TTN: variants seen among roughly 807,000 people sequenced by gnomAD.
TTN encodes the protein connectin.
TTN carries 1,525 observed loss-of-function variants against 3,223.0 expected under a neutral mutation model. That is an observed-to-expected ratio of 0.47 (90% CI 0.45 to 0.49). The LOEUF (loss-of-function observed/expected upper bound fraction) is 0.49. Among genes scored for constraint, TTN ranks in the 20% least tolerant of loss-of-function variants. The pLI is 0.00. For synonymous variants in TTN, 14,094 were observed against 15,161.0 expected, an observed-to-expected ratio of 0.93 and a Z score of 5.17; for missense variants, 40,786 against 43,424.0, an observed-to-expected ratio of 0.94 and a Z score of 5.40.
chr2:178,771,157 A>C, intron 34 of TTN, 54 bp downstream of exon 34: 1 of 1,611,352 alleles, frequency 6.2e-7, no homozygotes, highest in Non-Finnish European at 8.5e-7. Context: ...TTTTAAAACG[A>C]TAACGATCAA....
At position 178,561,972 on chromosome 2, in the gene TTN, C is replaced by A; in HGVS notation, c.84160G>T (p.Asp28054Tyr). Residue 28054 changes from aspartate to tyrosine, a missense_variant, in exon 326 of 363, where the codon GAC (aspartate) becomes TAC (tyrosine). Transcript: ENST00000589042. ...ATAGGACCTGGAGGTCCTGGTCTGT[C>A]AAGGACAATTATAGTAATAGGAACT... is the stretch of plus-strand genomic sequence containing the variant. ...ITVPITIIVL[D>Y]RPGPPGPIRI... 6.2e-7 allele frequency: 1 copy of A among 1,613,282 alleles called. No homozygotes were observed. Among genetic ancestry groups the A allele is most frequent in the Non-Finnish European group, 8.5e-7 (1 of 1,179,530 alleles).
intron 75 of TTN, 30 bp from the exon 76 acceptor site, chr2:178,722,967 T>A (rs1366947333): frequency 1.3e-6 from 2 of 1,596,300 alleles, no homozygotes; most frequent in Non-Finnish European, 1.7e-6. Context: ...AGTTAGCAAC[T>A]GGAATTAATG....
At chr2:178,719,526 A>G in intron 82 of TTN, 28 bp downstream of exon 82, 1 of 1,590,304 alleles carries the variant, frequency 6.3e-7, no homozygotes, top group African/African-American at 1.3e-5. Context: ...GAAATATTGT[A>G]TATTCATAAA....
Position 178,569,937 on chromosome 2 carries a change from C to T in TTN, c.76195G>A (p.Ala25399Thr). The T allele has an allele frequency of 6.2e-7, 1 of 1,612,818 alleles. No individual in the cohort carries two copies. The highest frequency in any genetic ancestry group is 1.1e-5 in the South Asian group (1 of 90,968). Residue 25399 changes from alanine to threonine, a missense_variant, in exon 326 of 363, where the codon GCT (alanine) becomes ACT (threonine). Physicochemically the swap from Ala to Thr is moderately conservative, Grantham distance 58 (BLOSUM62 0). Coordinates refer to ENST00000589042, the MANE Select transcript of TTN (RefSeq NM_001267550.2). ...CCTGGTTTATAAATAGGATCACAAG[C>T]CTTTTGGTAAGCAGAAGGAGGGCTT... ...EPSPPSAYQKACDPIYKPGPP... is the reference protein window; with the variant it reads ...EPSPPSAYQKTCDPIYKPGPP...
Position 178,629,370 on chromosome 2 carries a change from G to T in TTN, c.44355C>A (p.Cys14785Ter). The T allele has an allele frequency of 6.2e-7, 1 of 1,612,940 alleles. No homozygotes were observed. The highest frequency in any genetic ancestry group is 1.1e-5 in the South Asian group (1 of 91,056). ...VTAGETATFD[C>*]ELSYEDIPVE... ...CTGGGATATCTTCGTAGGAGAGCTC[G>T]CAGTCGAAGGTGGCTGTTTCCCCTG... Residue 14785 changes from cysteine to a stop codon, truncating the protein, a stop_gained, in exon 240 of 363, where the codon TGC (cysteine) becomes TGA (stop). Transcript: ENST00000589042. LOFTEE classifies it high-confidence loss of function.
rs727504199 is a variant in TTN at position 178,641,286 on chromosome 2, GTTC to G, written c.40585_40587del (p.Glu13529del). 223 of 1,506,096 alleles carry G rather than the reference GTTC, an allele frequency of 1.5e-4. 6 individuals carry two copies. In the South Asian group the frequency reaches 2.4e-3, roughly 16 times the overall value. 93.3% of individuals were successfully genotyped at this position (1,506,096 alleles called of 1,614,324 possible). A position where few individuals can be genotyped will look rare whatever the true frequency, so the allele number is the denominator to read the frequency against. Reference sequence around the variant, plus strand: ...TCTAGTTTTTTAGGTTCTACTTTAGGTTCTTCTTCTTCAGGTCTTTTTCTTAGA... The same window carrying G: ...TCTAGTTTTTTAGGTTCTACTTTAGGTTCTTCTTCAGGTCTTTTTCTTAGA... On this transcript the variant is annotated inframe_deletion, in exon 220 of 363. Transcript: ENST00000589042.
At chr2:178,747,468 T>C in intron 47 of TTN, 2 of 1,613,426 alleles carry the variant, frequency 1.2e-6, no homozygotes, top group Non-Finnish European at 1.7e-6. Context: ...ATTTCTTCAC[T>C]GGTTGTACTT....
rs141142920 is a variant in TTN at position 178,775,505 on chromosome 2, C to A, written c.6359G>T (p.Arg2120Leu). ...CCAGTACCAGTAGATCCGGTCAGAC[C>A]GTTCAATTTTGACACCATTTTTGTA... Reference protein sequence around the residue: ...EWYKNGVKIERSDRIYWYWPE... With the variant: ...EWYKNGVKIELSDRIYWYWPE... The change falls in exon 28 of 363, where the codon CGG becomes CTG. Residue 2120 changes from arginine to leucine, a missense_variant. By Grantham distance (102) the Arg-to-Leu change is moderately radical. Coordinates refer to ENST00000589042, the MANE Select transcript of TTN (RefSeq NM_001267550.2). The A allele has an allele frequency of 1.2e-4, 195 of 1,613,952 alleles. 1 individual carries two copies. The South Asian group carries it at 2.0e-3, about 17-fold the overall frequency.
At position 178,733,637 on chromosome 2, in the gene TTN, G is replaced by C. The variant is rs770408836; in HGVS notation, c.15752C>G (p.Ser5251Cys). The C allele has an allele frequency of 6.2e-7, 1 of 1,612,446 alleles. No homozygotes were observed. Among genetic ancestry groups the C allele is most frequent in the Non-Finnish European group, 8.5e-7 (1 of 1,178,694 alleles). ...LAENEAGSQT[S>C]VGELIVKEPA... ...ACCTTTAACTATTAATTCCCCAACA[G>C]ATGTTTGGCTTCCAGCTTCATTTTC... Residue 5251 changes from serine (S) to cysteine (C), a missense_variant, in exon 53 of 363, where the codon TCT becomes TGT. Ser to Cys is a moderately radical substitution (Grantham distance 112). Transcript: ENST00000589042.
chr2:178,531,095 G>A lies in TTN; in HGVS notation c.105520C>T (p.Arg35174Cys), dbSNP rs778207634. Residue 35174 changes from arginine to cysteine, a missense_variant, in exon 358 of 363, where the codon CGC (arginine) becomes TGC (cysteine). Coordinates refer to ENST00000589042, the MANE Select transcript of TTN (RefSeq NM_001267550.2). Reference sequence around the variant, plus strand: ...TACTTTGTGGTGGTCACTTGGTGGCGGGCAGAAGTACTTAGCACTTGTCCT... The same window carrying A: ...TACTTTGTGGTGGTCACTTGGTGGCAGGCAGAAGTACTTAGCACTTGTCCT... ...RKGQVLSTSA[R>C]HQVTTTKYKS... The A allele has an allele frequency of 4.7e-5, 76 of 1,613,846 alleles. No homozygotes were observed. The East Asian group carries it at 1.3e-3, about 28-fold the overall frequency.
rs747404761 is a variant in TTN at position 178,565,641 on chromosome 2, C to T, written c.80491G>A (p.Ala26831Thr). Reference sequence around the variant, plus strand: ...ACTGCATTACAGACTTTGGATTCAGCCACAATGCTCCATTTTTCAGTTCCT... The same window carrying T: ...ACTGCATTACAGACTTTGGATTCAGTCACAATGCTCCATTTTTCAGTTCCT... ...PKGTEKWSIV[A>T]ESKVCNAVVT... is the part of the protein sequence containing the mutation. The change falls in exon 326 of 363, where the codon GCT (alanine) becomes ACT (threonine). Residue 26831 changes from alanine (A) to threonine (T), a missense_variant. Ala to Thr is a moderately conservative substitution (Grantham distance 58). Coordinates refer to ENST00000589042, the MANE Select transcript of TTN (RefSeq NM_001267550.2). 1 of 1,613,562 alleles carries T rather than the reference C, an allele frequency of 6.2e-7. No homozygotes were observed. Among genetic ancestry groups the T allele is most frequent in the Non-Finnish European group, 8.5e-7 (1 of 1,179,628 alleles).
In TTN at chr2:178,587,225, T is replaced by G. The variant is rs754342548; in HGVS notation, c.63986A>C (p.Asn21329Thr). ...GTAATACTCATTCCCAGGGACAAGA[T>G]TGGTTACATGGAAGCTTGTTTTCTT... ...EVKKTSFHVT[N>T]LVPGNEYYFR... The change falls in exon 307 of 363, where the codon AAT becomes ACT. Residue 21329 changes from asparagine to threonine, a missense_variant. Physicochemically the swap from Asn to Thr is moderately conservative, Grantham distance 65. Coordinates refer to ENST00000589042, the MANE Select transcript of TTN (RefSeq NM_001267550.2). 1 of 1,613,224 alleles carries G rather than the reference T, an allele frequency of 6.2e-7. No individual in the cohort carries two copies. The highest frequency in any genetic ancestry group is 1.3e-5 in the African/African-American group (1 of 74,966).
chr2:178,639,593 G>T (rs1361413737), intron 223 of TTN, 106 bp downstream of exon 223: 2 of 1,138,830 alleles, frequency 1.8e-6, no homozygotes, highest in Non-Finnish European at 2.6e-6. Flanking sequence ...AAGTTGAAAT[G>T]ATACCTATGT....
intron 341 of TTN, 36 bp downstream of exon 341, chr2:178,546,564 A>G (rs753602127): frequency 6.3e-7 from 1 of 1,594,320 alleles, no homozygotes; most frequent in Non-Finnish European, 8.6e-7. Flanking sequence ...ATAAATTGAG[A>G]TAATTTTAAA....
intron 294 of TTN, among the ~76,000 whole-genome samples, chr2:178,596,519 G>C (rs1336532907): frequency 3.3e-5 from 5 of 151,952 alleles, no homozygotes; most frequent in African/African-American, 7.2e-5. Context: ...TTTATTTCTG[G>C]ATGACCAGTG....
intron 36 of TTN, 54 bp downstream of exon 36, chr2:178,770,006 T>C (rs1380269223): frequency 1.2e-6 from 2 of 1,614,002 alleles, no homozygotes; most frequent in East Asian, 2.2e-5. Flanking sequence ...ACCAAACAAA[T>C]AGATACATGG....
intron 78 of TTN, among the ~76,000 whole-genome samples, 179 bp downstream of exon 78, chr2:178,721,668 G>A (rs1196064917): frequency 6.6e-6 from 1 of 152,068 alleles, no homozygotes; most frequent in Non-Finnish European, 1.5e-5. Flanking sequence ...TTACACTAAT[G>A]TAAAGAACAA....
Position 178,618,210 on chromosome 2 carries a change from C to T in TTN, c.47248G>A (p.Val15750Ile), listed in dbSNP as rs72677232. 4,466 of 1,612,602 alleles carry T rather than the reference C, an allele frequency of 2.8e-3. 10 individuals carry two copies. Among genetic ancestry groups the T allele is most frequent in the Non-Finnish European group, 3.6e-3 (4,235 of 1,179,132 alleles). The change falls in exon 252 of 363, where the codon GTA (valine) becomes ATA (isoleucine). Residue 15750 changes from valine to isoleucine, a missense_variant. By Grantham distance (29) the Val-to-Ile change is conservative. Transcript: ENST00000589042. Reference sequence around the variant, plus strand: ...TTACCATATTTACTCCTTGCTTCTACAGGATTGTCAGTTTCTACTGGCTCA... The same window carrying T: ...TTACCATATTTACTCCTTGCTTCTATAGGATTGTCAGTTTCTACTGGCTCA... The part of the protein sequence containing the change: ...TGEPVETDNP[V>I]EARSKYDVPG...
rs751068065 is a variant in TTN at position 178,577,847 on chromosome 2, A to G, written c.68579T>C (p.Leu22860Pro). Residue 22860 changes from leucine (L) to proline (P), a missense_variant, in exon 323 of 363, where the codon CTC becomes CCC. Transcript: ENST00000589042. ...VINITRNSVT[L>P]IWTEPKYDGG... is the part of the protein sequence containing the mutation. The stretch of plus-strand genomic sequence containing the variant: ...GTCATATTTAGGTTCAGTCCAAATG[A>G]GAGTCACTGAATTCCTTGTTATGTT... The G allele has an allele frequency of 6.2e-7, 1 of 1,600,566 alleles. No homozygotes were observed. Among genetic ancestry groups the G allele is most frequent in the Non-Finnish European group, 8.5e-7 (1 of 1,172,920 alleles).
Sources: gnomAD v4.1 joint callset for allele counts (sites outside exome capture counted in the v4.1 genomes callset) on GRCh38, gnomAD v4.1.1 for gene constraint, MANE v1.5 for transcripts, NCBI Gene and HGNC (gene_info 2026-07-23, HGNC 2026-07-21) for gene names.